Variants in KCNH1 observed in about 807,000 individuals in gnomAD.
KCNH1 encodes the protein potassium voltage-gated channel subfamily H member 1.
In KCNH1, 27 loss-of-function variants were observed where a neutral mutation model predicts 69.2. The observed-to-expected ratio is 0.39, with a 90% CI of 0.29 to 0.54. The LOEUF is 0.54. Among genes scored for constraint, KCNH1 ranks in the 20% least tolerant of loss-of-function variants. KCNH1 has a pLI of 0.68. For missense variants in KCNH1, 798 were observed against 1,261.6 expected (o/e 0.63, Z 5.57); for synonymous variants, 456 against 487.7 (o/e 0.93, Z 0.86).
intron 7 of KCNH1, among the ~76,000 whole-genome samples, chr1:210,806,488 T>C (rs891926941): frequency 3.3e-5 from 5 of 152,014 alleles, no homozygotes; most frequent in African/African-American, 1.2e-4. Context: ...CTTTCTCATA[T>C]CCCATGGGTT....
chr1:210,684,093 G>T lies in KCNH1; in HGVS notation c.2158C>A (p.Arg720Ser). 1 of 1,515,202 alleles carries T rather than the reference G, an allele frequency of 6.6e-7. No homozygotes were observed. Among genetic ancestry groups the T allele is most frequent in the Non-Finnish European group, 8.8e-7 (1 of 1,131,780 alleles). The allele number at this position is 1,515,202 out of a possible 1,614,324, so 93.9% of individuals were successfully genotyped here. A position where few individuals can be genotyped will look rare whatever the true frequency, so the allele number is the denominator to read the frequency against. Residue 720 changes from arginine to serine, a missense_variant, in exon 11 of 11, where the codon CGC (arginine) becomes AGC (serine). This residue lies in a region of KCNH1 where 331 missense variants were observed against 363.2 expected (regional missense o/e 0.91). Coordinates refer to ENST00000271751, the MANE Select transcript of KCNH1 (RefSeq NM_172362.3). ...GGGGCCTCATTCTTTCGTTTCATGC[G>T]TTCTTCCTCTTCACGTTTCACATCG... ...ISDVKREEEE[R>S]MKRKNEAPLI...
At chr1:210,938,556 A>G (rs1159847978) in intron 6 of KCNH1, among the ~76,000 whole-genome samples, 1 of 152,190 alleles carries the variant, frequency 6.6e-6, no homozygotes, top group African/African-American at 2.4e-5. Context: ...ACTCTTCGTA[A>G]TTTGATCCTT....
chr1:210,757,693 G>A (rs1210439565), intron 10 of KCNH1, among the ~76,000 whole-genome samples: 1 of 152,218 alleles, frequency 6.6e-6, no homozygotes, highest in Non-Finnish European at 1.5e-5. Context: ...TGCTACCTCA[G>A]TGGTACCATA....
intron 6 of KCNH1, among the ~76,000 whole-genome samples, chr1:210,998,643 A>G (rs991731903): frequency 6.6e-6 from 1 of 152,226 alleles, no homozygotes; most frequent in Non-Finnish European, 1.5e-5. Context: ...AATTGAACTC[A>G]GCTCTGCCCC....
intron 6 of KCNH1, among the ~76,000 whole-genome samples, chr1:210,968,354 A>G (rs1688448449): frequency 7.2e-6 from 1 of 138,898 alleles, no homozygotes; most frequent in Admixed American, 7.5e-5. Context: ...TTATAGCAGC[A>G]TGATTTATAA....
intron 7 of KCNH1, among the ~76,000 whole-genome samples, chr1:210,822,242 G>A (rs1284149391): frequency 2.6e-5 from 4 of 152,022 alleles, no homozygotes; most frequent in Non-Finnish European, 5.9e-5. Flanking sequence ...GGTATGGCAG[G>A]GAAGTGGAGA....
chr1:210,844,550 C>A (rs541437744), intron 7 of KCNH1, among the ~76,000 whole-genome samples: 1 of 152,220 alleles, frequency 6.6e-6, no homozygotes, highest in Non-Finnish European at 1.5e-5. Context: ...ACACAACATA[C>A]CAGAATCTCT....
At chr1:210,687,758 A>T (rs1681436609) in intron 10 of KCNH1, among the ~76,000 whole-genome samples, 1 of 152,204 alleles carries the variant, frequency 6.6e-6, no homozygotes, top group South Asian at 2.1e-4. Context: ...GCATTTTGCC[A>T]AGTATTTTAG....
intron 5 of KCNH1, among the ~76,000 whole-genome samples, chr1:211,037,283 G>A (rs1416330430): frequency 6.6e-6 from 1 of 152,110 alleles, no homozygotes. Flanking sequence ...CCAAGCCTCT[G>A]AGCCTTTTCA....
At chr1:210,949,429 C>T (rs1364196731) in intron 6 of KCNH1, among the ~76,000 whole-genome samples, 1 of 152,240 alleles carries the variant, frequency 6.6e-6, no homozygotes, top group African/African-American at 2.4e-5. Flanking sequence ...AAGAAGTCTT[C>T]CTGCATCCAA....
chr1:210,963,256 C>T lies in KCNH1; in HGVS notation c.1033-43187G>A, dbSNP rs1274084927. 7.2e-5 allele frequency among the ~76,000 whole-genome samples: 11 copies of T among 152,114 alleles called. No homozygotes were observed. In the East Asian group the frequency reaches 2.1e-3, roughly 29 times the overall value. ...AGAGCATCAACATCAACAAAAGGGA[C>T]GTCCACGCAGAAACCCTGTCCGAAG... On this transcript the variant is annotated intron_variant, in intron 6 of 10. Coordinates refer to ENST00000271751, the MANE Select transcript of KCNH1 (RefSeq NM_172362.3).
intron 6 of KCNH1, among the ~76,000 whole-genome samples, chr1:211,000,357 T>C (rs945744547): frequency 6.6e-6 from 1 of 152,176 alleles, no homozygotes; most frequent in Non-Finnish European, 1.5e-5. Context: ...CAAGCATTCT[T>C]ATACACCACT....
intron 7 of KCNH1, among the ~76,000 whole-genome samples, chr1:210,841,421 T>G (rs946542652): frequency 2.0e-5 from 3 of 152,206 alleles, no homozygotes; most frequent in Non-Finnish European, 2.9e-5. Flanking sequence ...AAGTTTATTT[T>G]ACTCCCTGCA....
intron 6 of KCNH1, among the ~76,000 whole-genome samples, chr1:210,995,841 T>C (rs1242754919): frequency 6.6e-6 from 1 of 152,170 alleles, no homozygotes; most frequent in Non-Finnish European, 1.5e-5. Flanking sequence ...CATGGATCTG[T>C]AGTAAAAGAC....
chr1:210,809,079 T>C lies in KCNH1; in HGVS notation c.1463-4913A>G, dbSNP rs1189671232. Among the ~76,000 whole-genome samples, 2 of 150,840 alleles carry C rather than the reference T, an allele frequency of 1.3e-5. 1 individual carries two copies. The highest frequency in any genetic ancestry group is 2.9e-5 in the Non-Finnish European group (2 of 67,880). ...TTTCAGTGGTTTAGAGTTTATACTA[T>C]ATCACAGCGATTCCTACCCAGAAAG... On this transcript the variant is annotated intron_variant, in intron 7 of 10. Coordinates refer to ENST00000271751, the MANE Select transcript of KCNH1 (RefSeq NM_172362.3).
At chr1:211,094,753 T>C (rs1308026756) in intron 3 of KCNH1, among the ~76,000 whole-genome samples, 1 of 152,218 alleles carries the variant, frequency 6.6e-6, no homozygotes, top group East Asian at 1.9e-4. Context: ...AAACTATCAC[T>C]ACCCAAACAG....
rs754664034 is a variant in KCNH1 at position 211,133,889 on chromosome 1, C to A, written c.57G>T (p.Glu19Asp). 2.5e-6 allele frequency: 4 copies of A among 1,612,018 alleles called. No individual in the cohort carries two copies. The African/African-American group carries it at 5.4e-5, about 22-fold the overall frequency. Reference sequence around the variant, plus strand: ...TACCATTGGACCGCCGAACAATATTCTCCAGAAACGTGTTTTGAGGGGCCA... The same window carrying A: ...TACCATTGGACCGCCGAACAATATTATCCAGAAACGTGTTTTGAGGGGCCA... ...GLVAPQNTFL[E>D]NIVRRSNDTN... Residue 19 changes from glutamate to aspartate, a missense_variant, in exon 1 of 11, where the codon GAG (glutamate) becomes GAT (aspartate). Transcript: ENST00000271751. This position sits in a 1 kb window ranked among gnomAD's most constrained non-coding sequence, Gnocchi z 5.4.
chr1:210,714,580 A>G (rs1682174447), intron 10 of KCNH1, among the ~76,000 whole-genome samples: 1 of 152,162 alleles, frequency 6.6e-6, no homozygotes, highest in Non-Finnish European at 1.5e-5. Flanking sequence ...TGTGCAGCAT[A>G]ATCATAAATT....
intron 3 of KCNH1, among the ~76,000 whole-genome samples, chr1:211,094,947 G>A (rs1167548858): frequency 1.3e-5 from 2 of 152,138 alleles, no homozygotes; most frequent in East Asian, 1.9e-4. Flanking sequence ...TCAGGTGAAC[G>A]TGAACCATCT....
Sources: allele counts gnomAD v4.1 joint callset (sites outside exome capture counted in the v4.1 genomes callset), GRCh38; gene constraint gnomAD v4.1.1; regional missense constraint gnomAD v4.1.1; non-coding constraint Gnocchi (gnomAD v3.1); transcripts MANE v1.5; gene names NCBI Gene and HGNC (gene_info 2026-07-23, HGNC 2026-07-21).